YIPF1: variants seen among roughly 807,000 people sequenced by gnomAD.
The protein encoded by YIPF1 is Yip1 domain family member 1, also known as protein YIPF1.
YIPF1 carries 22 observed loss-of-function variants against 37.0 expected under a neutral mutation model. That is an observed-to-expected ratio of 0.59 (90% confidence interval 0.42 to 0.85). The LOEUF (loss-of-function observed/expected upper bound fraction) is 0.85, where lower values mean the gene tolerates loss of function less well. Among genes scored for constraint, YIPF1 ranks in the 40% least tolerant of loss-of-function variants. YIPF1 has a pLI of 0.00. For missense variants in YIPF1, 355 were observed against 373.1 expected, an observed-to-expected ratio of 0.95 and a Z score of 0.40; for synonymous variants, 128 against 131.9, an observed-to-expected ratio of 0.97 and a Z score of 0.21.
intron 8 of YIPF1, 37 bp downstream of exon 8, chr1:53,866,721 C>T (rs756111127): frequency 3.2e-6 from 5 of 1,584,166 alleles, no homozygotes; most frequent in African/African-American, 1.3e-5. Context: ...AAGAACAGAG[C>T]ATCACTCAGA....
At chr1:53,861,648 G>A (rs2100722281) in intron 9 of YIPF1, among the ~76,000 whole-genome samples, 1 of 146,388 alleles carries the variant, frequency 6.8e-6, no homozygotes, top group Non-Finnish European at 1.5e-5. Context: ...AGGGAAGGAA[G>A]GAAGGAAGGG....
chr1:53,865,844 A>G (rs1557603888), intron 9 of YIPF1, among the ~76,000 whole-genome samples: 2 of 152,100 alleles, frequency 1.3e-5, no homozygotes, highest in African/African-American at 4.8e-5. Flanking sequence ...GTACAGTGGT[A>G]TGATCTCAGC....
chr1:53,874,763 T>C (rs1291758868), intron 6 of YIPF1, among the ~76,000 whole-genome samples: 2 of 152,176 alleles, frequency 1.3e-5, no homozygotes, highest in East Asian at 3.9e-4. Context: ...TGAGACTCTG[T>C]CTCAAAAAAT....
At chr1:53,868,762 T>C (rs1650097440) in intron 7 of YIPF1, among the ~76,000 whole-genome samples, 1 of 152,270 alleles carries the variant, frequency 6.6e-6, no homozygotes, top group East Asian at 1.9e-4. Flanking sequence ...CCAGTATATA[T>C]ATCACATCAC....
intron 10 of YIPF1, among the ~76,000 whole-genome samples, chr1:53,859,540 C>G (rs900061489): frequency 4.6e-5 from 7 of 152,240 alleles, no homozygotes; most frequent in Admixed American, 3.3e-4. Context: ...TGGCACCCAC[C>G]TGTAATCCCA....
At chr1:53,867,527 C>T (rs1346710300) in intron 7 of YIPF1, among the ~76,000 whole-genome samples, 2 of 152,038 alleles carry the variant, frequency 1.3e-5, no homozygotes, top group Non-Finnish European at 2.9e-5. Flanking sequence ...CGCCCGCCAC[C>T]ACATCCGGCT....
Position 53,866,802 on chromosome 1 carries a change from C to A in YIPF1, c.604G>T (p.Val202Leu), listed in dbSNP as rs146052432. The A allele has an allele frequency of 1.9e-6, 3 of 1,614,032 alleles. No individual in the cohort carries two copies. The African/African-American group carries it at 4.0e-5, about 22-fold the overall frequency. The change falls in exon 8 of 11, where the codon GTG becomes TTG. Residue 202 changes from valine (V) to leucine (L), a missense_variant. Coordinates refer to ENST00000072644, the MANE Select transcript of YIPF1 (RefSeq NM_018982.5). Reference protein sequence around the residue: ...NIVSYSFLEIVCVYGYSLFIY... With the variant: ...NIVSYSFLEILCVYGYSLFIY... ...AAGAGGGAATATCCATAGACACACA[C>A]AATCTCCAGAAATGAATAGGAGACG...
At chr1:53,867,644 G>A (rs755543197) in intron 7 of YIPF1, among the ~76,000 whole-genome samples, 22 of 152,186 alleles carry the variant, frequency 1.4e-4, no homozygotes, top group East Asian at 9.7e-4. Flanking sequence ...GATTACAGGC[G>A]TGAGCCACCA....
chr1:53,859,895 G>T (rs1649819961), intron 10 of YIPF1, among the ~76,000 whole-genome samples, 161 bp downstream of exon 10: 1 of 152,114 alleles, frequency 6.6e-6, no homozygotes, highest in African/African-American at 2.4e-5. Context: ...TCAATAAGAG[G>T]AACACAGAAA....
chr1:53,876,085 C>T (rs1326723389), intron 6 of YIPF1, among the ~76,000 whole-genome samples: 1 of 152,286 alleles, frequency 6.6e-6, no homozygotes, highest in South Asian at 2.1e-4. Flanking sequence ...ACAAGCCAAA[C>T]TGTGTATGTT....
At chr1:53,867,660 G>A (rs1398883119) in intron 7 of YIPF1, among the ~76,000 whole-genome samples, 11 of 152,086 alleles carry the variant, frequency 7.2e-5, no homozygotes, top group Non-Finnish European at 1.2e-4. Context: ...CACCACGCCC[G>A]GCTGACACTG....
chr1:53,858,202 C>T (rs1480672409), intron 10 of YIPF1, among the ~76,000 whole-genome samples: 4 of 151,934 alleles, frequency 2.6e-5, no homozygotes, highest in Non-Finnish European at 5.9e-5. Flanking sequence ...GAGGAAGAGG[C>T]GAAAGTGGTA....
At chr1:53,877,282 C>T (rs1372975045) in intron 6 of YIPF1, among the ~76,000 whole-genome samples, 1 of 152,228 alleles carries the variant, frequency 6.6e-6, no homozygotes, top group African/African-American at 2.4e-5. Flanking sequence ...ATGGTTTTCA[C>T]ACCAGGCTCC....
chr1:53,873,177 T>C (rs1263478110), intron 6 of YIPF1, among the ~76,000 whole-genome samples: 1 of 152,208 alleles, frequency 6.6e-6, no homozygotes, highest in Non-Finnish European at 1.5e-5. Context: ...ACACAGTCAC[T>C]GCCTCTAGTG....
At chr1:53,870,987 TG>T (rs1449391050) in intron 7 of YIPF1, among the ~76,000 whole-genome samples, 1 of 125,728 alleles carries the variant, frequency 8.0e-6, no homozygotes, top group African/African-American at 3.2e-5. Flanking sequence ...CACTCCAGCC[TG>T]GGTGACAGAG....
chr1:53,888,180 C>T (rs945889536), intron 3 of YIPF1, among the ~76,000 whole-genome samples: 9 of 152,126 alleles, frequency 5.9e-5, no homozygotes, highest in African/African-American at 2.2e-4. Context: ...AAGCCAAGAT[C>T]GAGCCAAGGC....
chr1:53,878,843 C>T (rs910322612), intron 4 of YIPF1, 121 bp from the exon 5 acceptor site: 4 of 825,842 alleles, frequency 4.8e-6, no homozygotes, highest in Non-Finnish European at 1.8e-6. Context: ...TAGGCTCTTC[C>T]ACATTCAATA....
At chr1:53,878,140 T>C (rs1650383220) in intron 6 of YIPF1, among the ~76,000 whole-genome samples, 175 bp downstream of exon 6, 1 of 152,250 alleles carries the variant, frequency 6.6e-6, no homozygotes, top group Non-Finnish European at 1.5e-5. Context: ...GGCACTAATA[T>C]AACACATAAT....
chr1:53,884,365 A>AT (rs1247273605), intron 3 of YIPF1, among the ~76,000 whole-genome samples: 1 of 152,060 alleles, frequency 6.6e-6, no homozygotes. Flanking sequence ...ATGATCATTC[A>AT]TTTATTCAAC....
Sources: gnomAD v4.1 joint callset for allele counts (sites outside exome capture counted in the v4.1 genomes callset) on GRCh38, gnomAD v4.1.1 for gene constraint, MANE v1.5 for transcripts, NCBI Gene and HGNC (gene_info 2026-07-23, HGNC 2026-07-21) for gene names.